The following CACNA2D3 variants were observed in gnomAD, a reference collection of about 807,000 sequenced individuals.
CACNA2D3 encodes the protein calcium voltage-gated channel auxiliary subunit alpha2delta 3.
CACNA2D3 carries 60 observed loss-of-function variants against 160.6 expected under a neutral mutation model. The observed-to-expected ratio is 0.37, with a 90% CI of 0.30 to 0.46. CACNA2D3 has a LOEUF of 0.46. Ranked by LOEUF, CACNA2D3 falls within the 20% of genes least tolerant of loss-of-function variation. CACNA2D3 has a pLI of 1.00. For missense variants in CACNA2D3, 1,205 were observed against 1,365.0 expected, an observed-to-expected ratio of 0.88 and a Z score of 1.85; for synonymous variants, 558 against 492.9, an observed-to-expected ratio of 1.13 and a Z score of -1.75.
At chr3:54,344,132 T>C (rs961138652) in intron 3 of CACNA2D3, among the ~76,000 whole-genome samples, 2 of 152,140 alleles carry the variant, frequency 1.3e-5, no homozygotes, top group Admixed American at 6.5e-5. Flanking sequence ...AGTCTACTTA[T>C]TATTAGGGAC....
At chr3:54,262,263 G>A (rs1702414727) in intron 2 of CACNA2D3, among the ~76,000 whole-genome samples, 1 of 152,152 alleles carries the variant, frequency 6.6e-6, no homozygotes, top group Non-Finnish European at 1.5e-5. Context: ...GACAGGGCAA[G>A]GAAAGCTATT....
At chr3:55,061,809 C>T (rs1473180788) in intron 35 of CACNA2D3, among the ~76,000 whole-genome samples, 1 of 152,148 alleles carries the variant, frequency 6.6e-6, no homozygotes, top group East Asian at 1.9e-4. Flanking sequence ...GGAATTGTAC[C>T]AATCCGCTTA....
At chr3:54,289,627 T>G (rs556957912) in intron 2 of CACNA2D3, among the ~76,000 whole-genome samples, 2 of 152,308 alleles carry the variant, frequency 1.3e-5, no homozygotes, top group East Asian at 3.9e-4. Context: ...AGAACAAAGC[T>G]GGAAGCATCA....
At chr3:54,194,275 C>G (rs983343684) in intron 2 of CACNA2D3, among the ~76,000 whole-genome samples, 12 of 152,160 alleles carry the variant, frequency 7.9e-5, no homozygotes, top group Non-Finnish European at 1.5e-4. Context: ...GATGGATACC[C>G]CTGATAGCCT....
intron 11 of CACNA2D3, among the ~76,000 whole-genome samples, chr3:54,719,696 C>T (rs1192199058): frequency 6.6e-6 from 1 of 151,890 alleles, no homozygotes; most frequent in African/African-American, 2.4e-5. Flanking sequence ...TTTATACTCT[C>T]TGGAAGGATT....
intron 4 of CACNA2D3, among the ~76,000 whole-genome samples, chr3:54,408,565 A>G (rs1461093863): frequency 6.6e-6 from 1 of 152,132 alleles, no homozygotes; most frequent in Non-Finnish European, 1.5e-5. Flanking sequence ...GATGTTAACC[A>G]GTTCCTCTTT....
chr3:55,023,844 G>A (rs1420915839), intron 35 of CACNA2D3, among the ~76,000 whole-genome samples: 1 of 151,092 alleles, frequency 6.6e-6, no homozygotes, highest in Non-Finnish European at 1.5e-5. Flanking sequence ...ATTTCTCATG[G>A]GCAATATTGG....
At chr3:54,795,634 G>A (rs76715911) in intron 13 of CACNA2D3, among the ~76,000 whole-genome samples, 2,131 of 152,198 alleles carry the variant, frequency 0.014, 46 homozygotes, top group African/African-American at 0.048. Flanking sequence ...TCACTCTAAG[G>A]CAACCATTTT....
chr3:54,943,266 T>G (rs1392695121), intron 27 of CACNA2D3, among the ~76,000 whole-genome samples: 2 of 152,042 alleles, frequency 1.3e-5, no homozygotes, highest in African/African-American at 4.8e-5. Flanking sequence ...CATGCCCTGA[T>G]CCATCATTCC....
At chr3:54,705,955 T>C (rs1700849609) in intron 11 of CACNA2D3, among the ~76,000 whole-genome samples, 1 of 152,162 alleles carries the variant, frequency 6.6e-6, no homozygotes, top group African/African-American at 2.4e-5. Context: ...CCTCGTATAG[T>C]TCTCATAAAA....
At chr3:54,469,333 G>A (rs532465412) in intron 4 of CACNA2D3, among the ~76,000 whole-genome samples, 2 of 152,284 alleles carry the variant, frequency 1.3e-5, no homozygotes, top group East Asian at 1.9e-4. Context: ...TTTTGCAGAG[G>A]GACCTGACTG....
intron 11 of CACNA2D3, among the ~76,000 whole-genome samples, chr3:54,655,189 G>T (rs1242915094): frequency 1.3e-5 from 2 of 152,110 alleles, no homozygotes; most frequent in African/African-American, 2.4e-5. Context: ...TATTTCTCTT[G>T]GACTATTGAG....
At position 55,074,402 on chromosome 3, in the gene CACNA2D3, T is replaced by G. The variant is rs1230667715; in HGVS notation, c.*196T>G. On this transcript the variant is annotated 3_prime_UTR_variant, in exon 38 of 38. Coordinates refer to ENST00000474759, the MANE Select transcript of CACNA2D3 (RefSeq NM_018398.3). ...GACAAAAAGTTATCTATCATCTTTT[T>G]ACTTTGCCAGTCATGCAAATGTGAG... 1.7e-6 allele frequency: 1 copy of G among 573,064 alleles called. No homozygotes were observed. Among genetic ancestry groups the G allele is most frequent in the African/African-American group, 1.9e-5 (1 of 53,044 alleles). 35.5% of individuals were successfully genotyped at this position (573,064 alleles called of 1,614,324 possible).
At chr3:54,344,798 TG>T (rs1176603566) in intron 3 of CACNA2D3, among the ~76,000 whole-genome samples, 10 of 152,312 alleles carry the variant, frequency 6.6e-5, no homozygotes, top group African/African-American at 2.4e-4. Context: ...TGAAACCTAC[TG>T]GGCTGCATTC....
chr3:54,709,518 G>A (rs1356784203), intron 11 of CACNA2D3, among the ~76,000 whole-genome samples: 1 of 152,064 alleles, frequency 6.6e-6, no homozygotes, highest in Non-Finnish European at 1.5e-5. Flanking sequence ...ACATCACCAT[G>A]CTGGGCTAAT....
rs542550143 is a variant in CACNA2D3, at chr3:54,497,546, T to C, written c.382-5946T>C. 9.2e-5 allele frequency among the ~76,000 whole-genome samples: 14 copies of C among 152,148 alleles called. No individual in the cohort carries two copies. The East Asian group carries it at 2.3e-3, about 25-fold the overall frequency. On this transcript the variant is annotated intron_variant, in intron 4 of 37. Coordinates refer to ENST00000474759, the MANE Select transcript of CACNA2D3 (RefSeq NM_018398.3). ...ATTTTCTATATAGACAAAATCTATG[T>C]AGAAAAGTAAAGGTAGATTTTTTCC... is the stretch of plus-strand genomic sequence containing the variant.
At chr3:54,491,192 C>T (rs1375572568) in intron 4 of CACNA2D3, among the ~76,000 whole-genome samples, 2 of 152,074 alleles carry the variant, frequency 1.3e-5, no homozygotes, top group African/African-American at 4.8e-5. Context: ...AGGACTTGTT[C>T]TTAGGGTCAG....
In CACNA2D3 at chr3:54,368,116, C is replaced by T. The variant is rs537016213; in HGVS notation, c.322-18599C>T. Among the ~76,000 whole-genome samples the T allele has an allele frequency of 3.4e-4, 52 of 152,238 alleles. 1 individual carries two copies. Among genetic ancestry groups the T allele is most frequent in the African/African-American group, 1.3e-3 (52 of 41,538 alleles). On this transcript the variant is annotated intron_variant, in intron 3 of 37. Transcript: ENST00000474759. ...AACAAGATTTTATTGGAATACATAGCTTGTTTTGACTTATTTTTTAAAAGA... is the reference window on the plus strand; with the variant it reads ...AACAAGATTTTATTGGAATACATAGTTTGTTTTGACTTATTTTTTAAAAGA...
chr3:54,518,180 C>T (rs192593684), intron 5 of CACNA2D3, among the ~76,000 whole-genome samples: 17 of 152,218 alleles, frequency 1.1e-4, no homozygotes, highest in Admixed American at 7.2e-4. Flanking sequence ...TGTGTGTCAG[C>T]GTGGTTACGA....
Sources: allele counts gnomAD v4.1 joint callset (sites outside exome capture counted in the v4.1 genomes callset), GRCh38; gene constraint gnomAD v4.1.1; transcripts MANE v1.5; gene names NCBI Gene and HGNC (gene_info 2026-07-23, HGNC 2026-07-21).